The following TEAD4 variants were observed in gnomAD, a reference collection of about 807,000 sequenced individuals.
The protein encoded by TEAD4 is TEA domain transcription factor 4.
A neutral mutation model predicts 52.4 loss-of-function variants in TEAD4; 36 were observed. The ratio of observed to expected loss-of-function variants is 0.69; its 90% CI spans 0.53 to 0.91. The LOEUF is 0.91. TEAD4 is among the 40% of genes least tolerant of loss of function. The probability of loss-of-function intolerance (pLI) is 0.00; values close to 1 mark genes in which losing one functional copy is unlikely to be tolerated. For missense variants in TEAD4, 508 were observed against 583.9 expected, an observed-to-expected ratio of 0.87 and a Z score of 1.34; for synonymous variants, 220 against 231.0, an observed-to-expected ratio of 0.95 and a Z score of 0.43.
In TEAD4 at chr12:2,994,881, G is replaced by C. The variant is rs1366402152; in HGVS notation, c.115G>C (p.Ala39Pro). The change falls in exon 3 of 13, where the codon GCA becomes CCA. Residue 39 changes from alanine to proline, a missense_variant. Transcript: ENST00000359864. The surrounding 1 kb of genome is among the most constrained non-coding windows in gnomAD (Gnocchi z 4.7). Reference sequence around the variant, plus strand: ...ACTGGACAAGCCCATCGACAATGACGCAGAGGGCGTGTGGAGCCCGGATAT... The same window carrying C: ...ACTGGACAAGCCCATCGACAATGACCCAGAGGGCGTGTGGAGCCCGGATAT... The C allele has an allele frequency of 6.2e-7, 1 of 1,614,060 alleles. No individual in the cohort carries two copies.
chr12:2,988,497 C>CA (rs1191282536), intron 2 of TEAD4, among the ~76,000 whole-genome samples: 3 of 75,952 alleles, frequency 3.9e-5, no homozygotes, highest in East Asian at 3.8e-4. Context: ...CCAGCCTGGG[C>CA]AAAAAAAGCT....
intron 10 of TEAD4, among the ~76,000 whole-genome samples, chr12:3,023,745 TGGC>T (rs2098270262): frequency 6.8e-6 from 1 of 146,858 alleles, no homozygotes; most frequent in Non-Finnish European, 1.5e-5. Flanking sequence ...TGAGCAGAGA[TGGC>T]GGCCACTGCA....
chr12:2,984,615 T>A (rs112829984), intron 2 of TEAD4, among the ~76,000 whole-genome samples: 1 of 152,184 alleles, frequency 6.6e-6, no homozygotes, highest in Non-Finnish European at 1.5e-5. Flanking sequence ...TACACAAACC[T>A]AGATGGTATA....
Position 3,019,105 on chromosome 12 carries a change from T to C in TEAD4, c.528-10T>C. ...CGAGGCTGACACCTCCCCTCCTCTC[T>C]CTCCCGCAGTGTGAAGCCTTTCTCT... On this transcript the variant is annotated splice_polypyrimidine_tract_variant and intron_variant, in intron 7 of 12. Coordinates refer to ENST00000359864, the MANE Select transcript of TEAD4 (RefSeq NM_003213.4). 1.2e-6 allele frequency: 2 copies of C among 1,613,878 alleles called. No homozygotes were observed. The highest frequency in any genetic ancestry group is 1.7e-6 in the Non-Finnish European group (2 of 1,179,902).
chr12:3,027,491 G>A (rs1029614284), intron 10 of TEAD4, among the ~76,000 whole-genome samples: 9 of 152,198 alleles, frequency 5.9e-5, no homozygotes, highest in African/African-American at 1.9e-4. Flanking sequence ...AGCAGTTTGG[G>A]AGGCCGAAGC....
intron 2 of TEAD4, among the ~76,000 whole-genome samples, chr12:2,979,623 T>C (rs975721857): frequency 6.6e-6 from 1 of 152,194 alleles, no homozygotes; most frequent in African/African-American, 2.4e-5. Flanking sequence ...TTTTAGCAAG[T>C]TGGCAAACTT....
intron 2 of TEAD4, among the ~76,000 whole-genome samples, chr12:2,978,976 T>C (rs921769753): frequency 7.2e-5 from 11 of 152,236 alleles, no homozygotes; most frequent in African/African-American, 2.6e-4. Context: ...AGTGCAGTAG[T>C]GTGATCTCAG....
At chr12:3,000,636 G>A (rs1053329914) in intron 3 of TEAD4, among the ~76,000 whole-genome samples, 14 of 152,172 alleles carry the variant, frequency 9.2e-5, no homozygotes, top group African/African-American at 3.1e-4. Context: ...AATTTTGGAG[G>A]GGACTAATAT....
intron 5 of TEAD4, among the ~76,000 whole-genome samples, chr12:3,016,157 A>G (rs1171712510): frequency 2.0e-5 from 3 of 152,054 alleles, no homozygotes; most frequent in African/African-American, 7.2e-5. Context: ...CTCCTTGAGT[A>G]GCTTGGCCTG....
chr12:3,033,504 G>A (rs1318520292), intron 10 of TEAD4, among the ~76,000 whole-genome samples: 7 of 152,196 alleles, frequency 4.6e-5, no homozygotes, highest in Non-Finnish European at 1.0e-4. Flanking sequence ...AGGCAGAGCC[G>A]GGCTGCACCG....
At chr12:3,005,154 A>T (rs2098254831) in intron 3 of TEAD4, among the ~76,000 whole-genome samples, 1 of 152,254 alleles carries the variant, frequency 6.6e-6, no homozygotes, top group Admixed American at 6.5e-5. Context: ...TTAGAGGTGG[A>T]ATCTAAAACA....
intron 11 of TEAD4, among the ~76,000 whole-genome samples, chr12:3,038,833 A>C (rs1164395881): frequency 6.6e-6 from 1 of 152,204 alleles, no homozygotes; most frequent in Non-Finnish European, 1.5e-5. Flanking sequence ...GGTCTCCTGC[A>C]GCACCCTGTG....
chr12:3,020,682 C>T lies in TEAD4; in HGVS notation c.632C>T (p.Ala211Val), dbSNP rs143114313. ...GCCCCATCGCCCTCTGCGCCCCCGG[C>T]ACCCCCATGGCAGGGCCGCAGCGTG... is the stretch of plus-strand genomic sequence containing the variant. Residue 211 changes from alanine to valine, a missense_variant, in exon 9 of 13, where the codon GCA becomes GTA. Ala to Val is a moderately conservative substitution (Grantham distance 64, BLOSUM62 0). Coordinates refer to ENST00000359864, the MANE Select transcript of TEAD4 (RefSeq NM_003213.4). 5.7e-5 allele frequency: 91 copies of T among 1,605,894 alleles called. 1 individual carries two copies. Among genetic ancestry groups the T allele is most frequent in the Non-Finnish European group, 7.0e-5 (82 of 1,175,616 alleles).
intron 4 of TEAD4, among the ~76,000 whole-genome samples, chr12:3,011,312 CCTT>C (rs2098260145): frequency 6.6e-6 from 1 of 152,126 alleles, no homozygotes. Flanking sequence ...CTCACCGCAA[CCTT>C]CTCCTCCTGG....
At chr12:3,006,715 A>G in intron 3 of TEAD4, among the ~76,000 whole-genome samples, 1 of 151,928 alleles carries the variant, frequency 6.6e-6, no homozygotes, top group Non-Finnish European at 1.5e-5. Context: ...AATCAAAAAT[A>G]AAGAAGAAAG....
chr12:2,964,624 ATTT>A (rs71057872), intron 2 of TEAD4, among the ~76,000 whole-genome samples: 12 of 125,402 alleles, frequency 9.6e-5, no homozygotes, highest in East Asian at 2.3e-4. Flanking sequence ...CACCTGGCTA[ATTT>A]TTTTTTTTTT....
intron 10 of TEAD4, among the ~76,000 whole-genome samples, chr12:3,030,525 C>T (rs1186448347): frequency 3.3e-5 from 5 of 152,338 alleles, no homozygotes; most frequent in East Asian, 1.9e-4. Context: ...TTCTCTACCC[C>T]GTGGAATCCA....
chr12:2,988,835 G>A (rs2153954838), intron 2 of TEAD4, among the ~76,000 whole-genome samples: 1 of 152,298 alleles, frequency 6.6e-6, no homozygotes, highest in East Asian at 1.9e-4. Context: ...CTGTGTTCGA[G>A]GAGCTTCCAG....
intron 2 of TEAD4, among the ~76,000 whole-genome samples, chr12:2,977,270 A>C (rs1229394113): frequency 1.3e-5 from 2 of 151,912 alleles, no homozygotes; most frequent in Non-Finnish European, 2.9e-5. Context: ...CCAAACGCTA[A>C]ATCTCTGCCC....
Sources: allele counts gnomAD v4.1 joint callset (sites outside exome capture counted in the v4.1 genomes callset), GRCh38; gene constraint gnomAD v4.1.1; non-coding constraint Gnocchi (gnomAD v3.1); transcripts MANE v1.5; gene names NCBI Gene and HGNC (gene_info 2026-07-23, HGNC 2026-07-21).